The following PKN3 variants were observed in gnomAD, a reference collection of about 807,000 sequenced individuals.
The protein encoded by PKN3 is protein kinase N3.
In PKN3, 91 loss-of-function variants were observed where a neutral mutation model predicts 113.1. The ratio of observed to expected loss-of-function variants is 0.80; its 90% CI spans 0.68 to 0.96. The LOEUF is 0.96. Ranked by LOEUF, PKN3 falls within the 40% of genes least tolerant of loss-of-function variation. The probability of loss-of-function intolerance (pLI) is 0.00; values close to 1 mark genes in which losing one functional copy is unlikely to be tolerated. For synonymous variants in PKN3, 467 were observed against 499.0 expected, an observed-to-expected ratio of 0.94 and a Z score of 0.85; for missense variants, 1,052 against 1,202.2, an observed-to-expected ratio of 0.88 and a Z score of 1.85.
chr9:128,713,686 G>C, intron 9 of PKN3, 44 bp downstream of exon 9: 1 of 1,599,496 alleles, frequency 6.3e-7, no homozygotes, highest in African/African-American at 1.3e-5. Context: ...ACCCTGGGGC[G>C]TCAGGGCCAG....
At position 128,719,972 on chromosome 9, in the gene PKN3, C is replaced by T. The variant is rs1862479164; in HGVS notation, c.2331C>T (p.Pro777=). The T allele has an allele frequency of 1.2e-6, 2 of 1,614,024 alleles. No individual in the cohort carries two copies. Among genetic ancestry groups the T allele is most frequent in the African/African-American group, 1.3e-5 (1 of 74,940 alleles). ...ACTGCATCGTCAACATGGACGCCCC[C>T]TACCCCGGCTTTCTGTCGGTGCAAG... ...VFDCIVNMDA[P]YPGFLSVQGL... The change falls in exon 20 of 22, where the codon CCC becomes CCT. Residue 777 remains proline, a synonymous_variant. Transcript: ENST00000291906.
chr9:128,706,321 G>A (rs1862014698), intron 3 of PKN3, among the ~76,000 whole-genome samples: 1 of 151,086 alleles, frequency 6.6e-6, no homozygotes, highest in African/African-American at 2.4e-5. Flanking sequence ...AATGGGGGAG[G>A]CTTAGCTTAG....
rs1212474877 is a variant in PKN3 at position 128,714,975 on chromosome 9, C to T, written c.1652+110C>T. 8 of 1,147,594 alleles carry T rather than the reference C, an allele frequency of 7.0e-6. No homozygotes were observed. In the African/African-American group the frequency reaches 1.2e-4, roughly 17 times the overall value. The allele number at this position is 1,147,594 out of a possible 1,614,324, so 71.1% of individuals were successfully genotyped here. A position where few individuals can be genotyped will look rare whatever the true frequency, so the allele number is the denominator to read the frequency against. On this transcript the variant is annotated intron_variant, in intron 13 of 21. Coordinates refer to ENST00000291906, the MANE Select transcript of PKN3 (RefSeq NM_013355.5). ...GCTCCCTGGCGGGTGCGCTGACTGGCTCTCGGGGTCTGATTTACTAAACCC... is the reference window on the plus strand; with the variant it reads ...GCTCCCTGGCGGGTGCGCTGACTGGTTCTCGGGGTCTGATTTACTAAACCC...
rs1862353787 is a variant in PKN3, at chr9:128,716,842, C to T, written c.1904C>T (p.Ala635Val). ...LLACFQTSSHACFVTEFVPGG... is the reference protein window; with the variant it reads ...LLACFQTSSHVCFVTEFVPGG... The stretch of plus-strand genomic sequence containing the variant: ...GCCTGCTTCCAGACCTCCAGCCATG[C>T]CTGCTTTGTGACTGAGTTTGTGCCT... The change falls in exon 16 of 22, where the codon GCC (alanine) becomes GTC (valine). Residue 635 changes from alanine to valine, a missense_variant. By Grantham distance (64) the Ala-to-Val change is moderately conservative. Around this residue, in one of 2 missense-constraint regions of PKN3, gnomAD observed 333 missense variants for 442.8 expected, o/e 0.75. Coordinates refer to ENST00000291906, the MANE Select transcript of PKN3 (RefSeq NM_013355.5). 6.2e-7 allele frequency: 1 copy of T among 1,614,028 alleles called. No individual in the cohort carries two copies. Among genetic ancestry groups the T allele is most frequent in the Non-Finnish European group, 8.5e-7 (1 of 1,179,970 alleles).
chr9:128,713,656 C>G lies in PKN3; in HGVS notation c.1236+14C>G. 1 of 1,613,042 alleles carries G rather than the reference C, an allele frequency of 6.2e-7. No homozygotes were observed. The highest frequency in any genetic ancestry group is 8.5e-7 in the Non-Finnish European group (1 of 1,179,660). ...CTTTTTGCCCAGGTGCTCACCACCTCCGCCCTCTGACTTGGTGGGACCCTG... is the reference window on the plus strand; with the variant it reads ...CTTTTTGCCCAGGTGCTCACCACCTGCGCCCTCTGACTTGGTGGGACCCTG... On this transcript the variant is annotated intron_variant, in intron 9 of 21. Coordinates refer to ENST00000291906, the MANE Select transcript of PKN3 (RefSeq NM_013355.5).
intron 6 of PKN3, among the ~76,000 whole-genome samples, chr9:128,708,095 C>CTTGGGCCAG (rs1862074554): frequency 7.6e-6 from 1 of 132,094 alleles, no homozygotes; most frequent in Non-Finnish European, 1.6e-5. Context: ...AAAAGGTTTT[C>CTTGGGCCAG]TTGGGCCAGG....
intron 16 of PKN3, among the ~76,000 whole-genome samples, chr9:128,717,199 G>GCTCACCACAACCTCCGC (rs1862370646): frequency 7.4e-6 from 1 of 134,772 alleles, no homozygotes; most frequent in South Asian, 2.4e-4. Flanking sequence ...CATGATCTCG[G>GCTCACCACAACCTCCGC]CTCACCACAA....
At position 128,719,924 on chromosome 9, in the gene PKN3, G is replaced by A. The variant is rs1157901775; in HGVS notation, c.2283G>A (p.Gly761=). ...EMLVGECPFP[G]DTEEEVFDCI... ...CATCTCCACAGTGCCCGTTCCCAGGGGACACAGAGGAAGAGGTGTTTGACT... is the reference window on the plus strand; with the variant it reads ...CATCTCCACAGTGCCCGTTCCCAGGAGACACAGAGGAAGAGGTGTTTGACT... The change falls in exon 20 of 22, where the codon GGG becomes GGA. Residue 761 remains glycine, a synonymous_variant. Transcript: ENST00000291906. 1.2e-6 allele frequency: 2 copies of A among 1,613,998 alleles called. No homozygotes were observed. Among genetic ancestry groups the A allele is most frequent in the East Asian group, 2.2e-5 (1 of 44,894 alleles).
At chr9:128,719,252 C>T (rs1309689585) in intron 18 of PKN3, among the ~76,000 whole-genome samples, 2 of 151,188 alleles carry the variant, frequency 1.3e-5, no homozygotes, top group Non-Finnish European at 2.9e-5. Flanking sequence ...TGCAATGGCG[C>T]AATCTCGGCT....
chr9:128,702,938 A>C lies in PKN3; in HGVS notation c.23A>C (p.Gln8Pro). Residue 8 changes from glutamine to proline, a missense_variant and splice_region_variant, in exon 1 of 22, where the codon CAG becomes CCG. Around this residue, in one of 2 missense-constraint regions of PKN3, gnomAD observed 719 missense variants for 759.4 expected, o/e 0.95. Transcript: ENST00000291906. Reference sequence around the variant, plus strand: ...GCCATGGAGGAGGGGGCGCCGCGGCAGGTGAACGGCGTGGGAGGGGCGCGC... The same window carrying C: ...GCCATGGAGGAGGGGGCGCCGCGGCCGGTGAACGGCGTGGGAGGGGCGCGC... The part of the protein sequence containing the change: MEEGAPR[Q>P]PGPSQWPPED... 1 of 1,454,238 alleles carries C rather than the reference A, an allele frequency of 6.9e-7. No homozygotes were observed. The highest frequency in any genetic ancestry group is 1.3e-5 in the South Asian group (1 of 75,742). 90.1% of individuals were successfully genotyped at this position (1,454,238 alleles called of 1,614,324 possible). A position where few individuals can be genotyped will look rare whatever the true frequency, so the allele number is the denominator to read the frequency against.
At chr9:128,716,240 G>C (rs556999657) in intron 15 of PKN3, among the ~76,000 whole-genome samples, 1 of 147,338 alleles carries the variant, frequency 6.8e-6, no homozygotes, top group South Asian at 2.2e-4. Context: ...GGAGGCTGCA[G>C]TGAGCCGAGA....
At position 128,720,148 on chromosome 9, in the gene PKN3, T is replaced by A; in HGVS notation, c.2377-55T>A. The A allele has an allele frequency of 6.3e-7, 1 of 1,575,920 alleles. No homozygotes were observed. Among genetic ancestry groups the A allele is most frequent in the South Asian group, 1.1e-5 (1 of 89,740 alleles). On this transcript the variant is annotated intron_variant, in intron 20 of 21. Coordinates refer to ENST00000291906, the MANE Select transcript of PKN3 (RefSeq NM_013355.5). The surrounding 1 kb of genome is among the most constrained non-coding windows in gnomAD (Gnocchi z 5.5). ...GGCCAGCGTGCTTGGGGCCTGTGGA[T>A]GATGGCAGTGCCTGGGGCTGAATGC...
At chr9:128,707,132 A>G in intron 5 of PKN3, 90 bp from the exon 6 acceptor site, 1 of 1,585,846 alleles carries the variant, frequency 6.3e-7, no homozygotes, top group East Asian at 2.3e-5. Flanking sequence ...CTCTGTTGAG[A>G]CTTCATGCGG....
rs201715851 is a variant in PKN3, at chr9:128,720,029, G to A, written c.2376+12G>A. The A allele has an allele frequency of 5.5e-5, 89 of 1,607,744 alleles. No individual in the cohort carries two copies. In the African/African-American group the frequency reaches 7.6e-4, roughly 14 times the overall value. Reference sequence around the variant, plus strand: ...AGTTCATTCAGAAGGTAAGCACTGCGGGGTCTGGGGCTGGGCTGGATGGCC... The same window carrying A: ...AGTTCATTCAGAAGGTAAGCACTGCAGGGTCTGGGGCTGGGCTGGATGGCC... On this transcript the variant is annotated intron_variant, in intron 20 of 21. Transcript: ENST00000291906. This position sits in a 1 kb window ranked among gnomAD's most constrained non-coding sequence, Gnocchi z 5.5.
In PKN3 at chr9:128,717,529, C is replaced by G. The variant is rs531603541; in HGVS notation, c.1985+606C>G. Among the ~76,000 whole-genome samples the G allele has an allele frequency of 7.4e-4, 109 of 147,204 alleles. 1 individual carries two copies. The highest frequency in any genetic ancestry group is 2.4e-3 in the Admixed American group (35 of 14,720). ...GGTGGATCACCTGAGGTCAGGAGTT[C>G]GTGACCTGGCCAACATGGTAAAATC... On this transcript the variant is annotated intron_variant, in intron 16 of 21. Transcript: ENST00000291906.
Position 128,720,472 on chromosome 9 carries a change from C to A in PKN3, c.2536C>A (p.Arg846Ser). Residue 846 changes from arginine to serine, a missense_variant, in exon 22 of 22, where the codon CGC becomes AGC. This residue lies in a region of PKN3 where 333 missense variants were observed against 442.8 expected (regional missense o/e 0.75). Transcript: ENST00000291906. The surrounding 1 kb of genome is among the most constrained non-coding windows in gnomAD (Gnocchi z 5.5). Reference protein sequence around the residue: ...VPTLCGPADLRYFEGEFTGLP... With the variant: ...VPTLCGPADLSYFEGEFTGLP... ...TACCCTGTGTGGCCCTGCGGACCTG[C>A]GCTACTTTGAGGGCGAGTTCACAGG... 6.2e-7 allele frequency: 1 copy of A among 1,613,108 alleles called. No individual in the cohort carries two copies. The highest frequency in any genetic ancestry group is 1.3e-5 in the African/African-American group (1 of 75,038).
rs1861885152 is a variant in PKN3, at chr9:128,702,552, C to T, written c.-364C>T. On this transcript the variant is annotated 5_prime_UTR_variant, in exon 1 of 22. Coordinates refer to ENST00000291906, the MANE Select transcript of PKN3 (RefSeq NM_013355.5). ...CCCGCGGGCGCGCGGCGGGGAAGGC[C>T]AGAGGACCTGGGCGCGGGCGATGTG... 1 of 248,612 alleles carries T rather than the reference C, an allele frequency of 4.0e-6. No homozygotes were observed. The highest frequency in any genetic ancestry group is 7.6e-6 in the Non-Finnish European group (1 of 131,676). The allele number at this position is 248,612 out of a possible 1,614,324, so 15.4% of individuals were successfully genotyped here.
intron 5 of PKN3, 64 bp from the exon 6 acceptor site, chr9:128,707,158 G>T: frequency 6.3e-7 from 1 of 1,578,972 alleles, no homozygotes; most frequent in South Asian, 1.1e-5. Context: ...GGCTCCGGGT[G>T]ACCTGGGCTG....
In PKN3 at chr9:128,719,933, G is replaced by C; in HGVS notation, c.2292G>C (p.Glu764Asp). The change falls in exon 20 of 22, where the codon GAG becomes GAC. Residue 764 changes from glutamate to aspartate, a missense_variant. Physicochemically the swap from Glu to Asp is conservative, Grantham distance 45. Around this residue, in one of 2 missense-constraint regions of PKN3, gnomAD observed 333 missense variants for 442.8 expected, o/e 0.75. Coordinates refer to ENST00000291906, the MANE Select transcript of PKN3 (RefSeq NM_013355.5). ...AGTGCCCGTTCCCAGGGGACACAGAGGAAGAGGTGTTTGACTGCATCGTCA... is the reference window on the plus strand; with the variant it reads ...AGTGCCCGTTCCCAGGGGACACAGACGAAGAGGTGTTTGACTGCATCGTCA... ...VGECPFPGDTEEEVFDCIVNM... is the reference protein window; with the variant it reads ...VGECPFPGDTDEEVFDCIVNM... The C allele has an allele frequency of 6.2e-7, 1 of 1,614,172 alleles. No homozygotes were observed. Among genetic ancestry groups the C allele is most frequent in the East Asian group, 2.2e-5 (1 of 44,884 alleles).
Sources: allele counts gnomAD v4.1 joint callset (sites outside exome capture counted in the v4.1 genomes callset), GRCh38; gene constraint gnomAD v4.1.1; regional missense constraint gnomAD v4.1.1; non-coding constraint Gnocchi (gnomAD v3.1); transcripts MANE v1.5; gene names NCBI Gene and HGNC (gene_info 2026-07-23, HGNC 2026-07-21).